NKAIN3: variants seen among roughly 807,000 people sequenced by gnomAD.
NKAIN3 encodes the protein sodium/potassium transporting ATPase interacting 3, also known as sodium/potassium-transporting ATPase subunit beta-1-interacting protein 3.
A neutral mutation model predicts 30.2 loss-of-function variants in NKAIN3; 25 were observed. The observed-to-expected ratio is 0.83, with a 90% CI of 0.60 to 1.16. The LOEUF (loss-of-function observed/expected upper bound fraction) is 1.16, where lower values mean the gene tolerates loss of function less well. NKAIN3 is among the 50% of genes most tolerant of loss of function. NKAIN3 has a pLI of 0.00. For synonymous variants in NKAIN3, 91 were observed against 89.6 expected (o/e 1.02, Z -0.09); for missense variants, 225 against 254.1 (o/e 0.89, Z 0.78).
At chr8:62,331,803 C>G (rs1815368249) in intron 1 of NKAIN3, among the ~76,000 whole-genome samples, 1 of 152,086 alleles carries the variant, frequency 6.6e-6, no homozygotes, top group Non-Finnish European at 1.5e-5. Flanking sequence ...CTTGTTTGTG[C>G]AAGACCAATC....
intron 1 of NKAIN3, among the ~76,000 whole-genome samples, chr8:62,291,764 A>C (rs1014870858): frequency 6.6e-6 from 1 of 152,176 alleles, no homozygotes; most frequent in Non-Finnish European, 1.5e-5. Flanking sequence ...TGCATGGTGC[A>C]GAGCTGAGTT....
chr8:62,498,221 A>G (rs190232006), intron 1 of NKAIN3, among the ~76,000 whole-genome samples: 1 of 152,086 alleles, frequency 6.6e-6, no homozygotes, highest in African/African-American at 2.4e-5. Context: ...GGACTGTGAC[A>G]CTTGTTGAGC....
downstream of NKAIN3, among the ~76,000 whole-genome samples, chr8:62,989,621 C>A (rs1379889086): frequency 1.3e-5 from 2 of 152,040 alleles, no homozygotes; most frequent in South Asian, 4.1e-4. Flanking sequence ...CACAGCCAAG[C>A]CAAATCACAG....
intron 1 of NKAIN3, among the ~76,000 whole-genome samples, chr8:62,394,451 T>C (rs79927610): frequency 0.034 from 5,099 of 151,656 alleles, 325 homozygotes; most frequent in African/African-American, 0.12. Context: ...TGGTGAGTTA[T>C]TGTATTTTTT....
chr8:62,414,312 A>G (rs904217241), intron 1 of NKAIN3, among the ~76,000 whole-genome samples: 1 of 152,214 alleles, frequency 6.6e-6, no homozygotes, highest in Non-Finnish European at 1.5e-5. Flanking sequence ...GAGCTGCATT[A>G]TAAATGAAGC....
chr8:62,863,726 T>G, intron 4 of NKAIN3: 1 of 1,582,690 alleles, frequency 6.3e-7, no homozygotes, highest in Non-Finnish European at 8.7e-7. Context: ...TTTTACAACT[T>G]TCATTGCAAC....
intron 1 of NKAIN3, among the ~76,000 whole-genome samples, chr8:62,460,086 G>T (rs776081173): frequency 6.6e-6 from 1 of 152,068 alleles, no homozygotes; most frequent in Non-Finnish European, 1.5e-5. Context: ...TGGAGTAAGG[G>T]CCTCTAAAAA....
At chr8:62,734,900 G>A (rs1273380206) in intron 3 of NKAIN3, among the ~76,000 whole-genome samples, 2 of 152,200 alleles carry the variant, frequency 1.3e-5, no homozygotes, top group Admixed American at 6.5e-5. Flanking sequence ...ACTGATAATT[G>A]TTTTGTTTGA....
At chr8:62,799,686 CACT>C (rs1228715411) in intron 4 of NKAIN3, among the ~76,000 whole-genome samples, 5 of 152,158 alleles carry the variant, frequency 3.3e-5, no homozygotes, top group African/African-American at 1.2e-4. Context: ...CCAGCAATCC[CACT>C]ACTACTTATC....
intron 3 of NKAIN3, among the ~76,000 whole-genome samples, chr8:62,691,217 G>T (rs1813956628): frequency 6.6e-6 from 1 of 152,156 alleles, no homozygotes; most frequent in Non-Finnish European, 1.5e-5. Flanking sequence ...TTGTAGAAGT[G>T]CTTTCAGCCC....
chr8:62,959,433 GGTGTGTGTGTGT>G (rs35737951), intron 6 of NKAIN3, among the ~76,000 whole-genome samples: 3 of 143,152 alleles, frequency 2.1e-5, no homozygotes, highest in Admixed American at 1.4e-4. Context: ...GACAAATCAG[GGTGTGTGTGTGT>G]GTGTGTGTGT....
intron 3 of NKAIN3, among the ~76,000 whole-genome samples, chr8:62,635,706 C>T (rs1812104775): frequency 6.6e-6 from 1 of 152,048 alleles, no homozygotes; most frequent in Non-Finnish European, 1.5e-5. Flanking sequence ...AGGGAGCAGC[C>T]CTCACAAGAC....
intron 5 of NKAIN3, among the ~76,000 whole-genome samples, chr8:62,928,882 G>A (rs1383403406): frequency 6.6e-6 from 1 of 152,224 alleles, no homozygotes; most frequent in African/African-American, 2.4e-5. Flanking sequence ...GAGTCTGTCA[G>A]AGAAAGGTTC....
At chr8:62,926,222 T>C (rs768144476) in intron 5 of NKAIN3, among the ~76,000 whole-genome samples, 4 of 152,208 alleles carry the variant, frequency 2.6e-5, no homozygotes. Flanking sequence ...AGTTTTATCC[T>C]GGTTATTAGT....
At chr8:62,761,358 G>T (rs548898683) in intron 4 of NKAIN3, among the ~76,000 whole-genome samples, 2 of 152,182 alleles carry the variant, frequency 1.3e-5, no homozygotes, top group South Asian at 4.2e-4. Flanking sequence ...GACGGGGGTG[G>T]ATTGGTCAGT....
At chr8:62,288,236 T>G (rs1313314967) in intron 1 of NKAIN3, among the ~76,000 whole-genome samples, 1 of 151,172 alleles carries the variant, frequency 6.6e-6, no homozygotes, top group Non-Finnish European at 1.5e-5. Context: ...GGCTAGTTCC[T>G]TTCTTTTTAT....
chr8:62,759,838 A>G (rs976740518), intron 4 of NKAIN3, among the ~76,000 whole-genome samples: 1 of 152,126 alleles, frequency 6.6e-6, no homozygotes, highest in South Asian at 2.1e-4. Context: ...GCAACCTACA[A>G]AATGGGAGAA....
At chr8:62,530,351 TAA>T (rs753837021) in intron 1 of NKAIN3, among the ~76,000 whole-genome samples, 1 of 152,168 alleles carries the variant, frequency 6.6e-6, no homozygotes, top group Non-Finnish European at 1.5e-5. Context: ...AAGTAACTTT[TAA>T]AAGTTAGGTC....
At chr8:62,693,410 A>G (rs147972529) in intron 3 of NKAIN3, among the ~76,000 whole-genome samples, 144 of 152,308 alleles carry the variant, frequency 9.5e-4, no homozygotes, top group African/African-American at 3.4e-3. Context: ...TATGCACTAG[A>G]CCCAGAAATC....
Sources: gnomAD v4.1 joint callset for allele counts (sites outside exome capture counted in the v4.1 genomes callset) on GRCh38, gnomAD v4.1.1 for gene constraint, MANE v1.5 for transcripts, NCBI Gene and HGNC (gene_info 2026-07-23, HGNC 2026-07-21) for gene names.